MCC: variants seen among roughly 807,000 people sequenced by gnomAD.
MCC encodes the protein MCC regulator of Wnt signaling pathway.
In MCC, 90 loss-of-function variants were observed where a neutral mutation model predicts 116.2. The ratio of observed to expected loss-of-function variants is 0.77; its 90% CI spans 0.65 to 0.92. The LOEUF is 0.92. Ranked by LOEUF, MCC falls within the 40% of genes least tolerant of loss-of-function variation. The probability of loss-of-function intolerance (pLI) is 0.00; values close to 1 mark genes in which losing one functional copy is unlikely to be tolerated. For synonymous variants in MCC, 578 were observed against 510.5 expected, an observed-to-expected ratio of 1.13 and a Z score of -1.78; for missense variants, 1,516 against 1,312.2, an observed-to-expected ratio of 1.16 and a Z score of -2.40.
intron 8 of MCC, among the ~76,000 whole-genome samples, chr5:113,100,464 CTTTT>C (rs10649958): frequency 3.8e-5 from 3 of 78,808 alleles, no homozygotes; most frequent in African/African-American, 1.4e-4. Flanking sequence ...GTATTTTTCC[CTTTT>C]TTTTTTTTTT....
At chr5:113,138,984 CT>C (rs1026442694) in intron 5 of MCC, among the ~76,000 whole-genome samples, 2 of 152,172 alleles carry the variant, frequency 1.3e-5, no homozygotes, top group African/African-American at 4.8e-5. Flanking sequence ...AGTAAAGTCT[CT>C]GTTCACCAGA....
At chr5:113,360,851 T>C (rs1353351599) in intron 2 of MCC, among the ~76,000 whole-genome samples, 4 of 152,192 alleles carry the variant, frequency 2.6e-5, no homozygotes, top group African/African-American at 9.6e-5. Flanking sequence ...GTTGGCTGGA[T>C]GACCCAATCT....
In MCC at chr5:113,167,675, C is replaced by T. The variant is rs564567326; in HGVS notation, c.628-16253G>A. Among the ~76,000 whole-genome samples, 42 of 152,248 alleles carry T rather than the reference C, an allele frequency of 2.8e-4. No homozygotes were observed. The South Asian group carries it at 4.6e-3, about 17-fold the overall frequency. ...TGAGACAGGGTCTCTCTGTCACCCA[C>T]GCTGGAGTGCAGTGGCATCATCAAG... is the stretch of plus-strand genomic sequence containing the variant. On this transcript the variant is annotated intron_variant, in intron 3 of 18. Coordinates refer to ENST00000408903, the MANE Select transcript of MCC (RefSeq NM_001085377.2).
In MCC at chr5:113,029,422, CT is replaced by C. The variant is rs1401549137; in HGVS notation, c.2757-367del. Among the ~76,000 whole-genome samples, 3 of 151,004 alleles carry C rather than the reference CT, an allele frequency of 2.0e-5. No individual in the cohort carries two copies. In the East Asian group the frequency reaches 5.8e-4, roughly 29 times the overall value. On this transcript the variant is annotated intron_variant, in intron 17 of 18. Coordinates refer to ENST00000408903, the MANE Select transcript of MCC (RefSeq NM_001085377.2). ...ACAAACCCCCGTCTGTCTCCATCCC[CT>C]TCTTTTTCAGGTGTCCTAAGTATCT...
At chr5:113,043,270 A>AT (rs919302649) in intron 17 of MCC, among the ~76,000 whole-genome samples, 4 of 152,252 alleles carry the variant, frequency 2.6e-5, no homozygotes, top group African/African-American at 9.6e-5. Flanking sequence ...ATGCAACAAC[A>AT]TAACAGAAAA....
chr5:113,235,546 G>A (rs565010489), intron 3 of MCC, among the ~76,000 whole-genome samples: 1 of 152,348 alleles, frequency 6.6e-6, no homozygotes, highest in African/African-American at 2.4e-5. Flanking sequence ...CAGGAACTGA[G>A]TGGGGAAACA....
intron 3 of MCC, among the ~76,000 whole-genome samples, chr5:113,188,585 G>A (rs1387918295): frequency 6.6e-6 from 1 of 152,212 alleles, no homozygotes; most frequent in Non-Finnish European, 1.5e-5. Context: ...GGAAAATCAT[G>A]GTTGAGGGCA....
rs192924761 is a variant in MCC at position 113,275,052 on chromosome 5, C to T, written c.627+65467G>A. On this transcript the variant is annotated intron_variant, in intron 3 of 18. Transcript: ENST00000408903. ...TTCACTCACACAGCTTGTGGCCTTCCCTTTACTTCCTGAAAGCCACAAAAA... is the reference window on the plus strand; with the variant it reads ...TTCACTCACACAGCTTGTGGCCTTCTCTTTACTTCCTGAAAGCCACAAAAA... Among the ~76,000 whole-genome samples, 325 of 152,240 alleles carry T rather than the reference C, an allele frequency of 2.1e-3. 1 individual carries two copies. Among genetic ancestry groups the T allele is most frequent in the African/African-American group, 7.4e-3 (309 of 41,538 alleles).
At chr5:113,089,667 G>T (rs186445910) in intron 8 of MCC, among the ~76,000 whole-genome samples, 19 of 152,320 alleles carry the variant, frequency 1.2e-4, no homozygotes. Context: ...CTTGCAATGT[G>T]CCTGGTGTAC....
At chr5:113,062,852 C>G (rs1376329412) in intron 14 of MCC, among the ~76,000 whole-genome samples, 2 of 152,140 alleles carry the variant, frequency 1.3e-5, no homozygotes, top group Non-Finnish European at 2.9e-5. Flanking sequence ...GCGGGTCCCA[C>G]CAGGGGAGAA....
intron 3 of MCC, among the ~76,000 whole-genome samples, chr5:113,240,626 G>T (rs576288869): frequency 1.1e-4 from 17 of 152,288 alleles, no homozygotes; most frequent in East Asian, 3.9e-4. Context: ...TTCAATGGAG[G>T]TTGCTTTAAT....
chr5:113,487,098 C>T (rs348947), intron 1 of MCC, among the ~76,000 whole-genome samples: 1 of 151,690 alleles, frequency 6.6e-6, no homozygotes, highest in African/African-American at 2.4e-5. Flanking sequence ...AAAACTTTAG[C>T]AAAGTAATAA....
intron 1 of MCC, among the ~76,000 whole-genome samples, chr5:113,415,963 G>A (rs1400178492): frequency 1.3e-5 from 2 of 152,190 alleles, no homozygotes; most frequent in Non-Finnish European, 2.9e-5. Context: ...TGGTGAGGCT[G>A]TCCTTTTTGT....
chr5:113,199,542 G>A (rs111308336), intron 3 of MCC, among the ~76,000 whole-genome samples: 1 of 152,132 alleles, frequency 6.6e-6, no homozygotes, highest in Non-Finnish European at 1.5e-5. Flanking sequence ...TTCTCAAAAG[G>A]ATTATCTAAA....
At chr5:113,220,942 C>T (rs1184496590) in intron 3 of MCC, among the ~76,000 whole-genome samples, 1 of 152,170 alleles carries the variant, frequency 6.6e-6, no homozygotes, top group Non-Finnish European at 1.5e-5. Flanking sequence ...GTGGCTCATG[C>T]CTATAATCCC....
intron 9 of MCC, among the ~76,000 whole-genome samples, chr5:113,084,661 G>C (rs982056649): frequency 1.3e-5 from 2 of 152,238 alleles, no homozygotes; most frequent in Non-Finnish European, 1.5e-5. Context: ...AATCATCTGA[G>C]ACAGACTCAA....
chr5:113,439,637 A>C (rs1376955591), intron 1 of MCC, among the ~76,000 whole-genome samples: 3 of 152,160 alleles, frequency 2.0e-5, no homozygotes, highest in Admixed American at 6.5e-5. Context: ...ATAGCTGAGG[A>C]GGCAAAATCC....
intron 3 of MCC, among the ~76,000 whole-genome samples, chr5:113,225,671 C>T (rs1207188025): frequency 6.6e-6 from 1 of 152,168 alleles, no homozygotes; most frequent in Non-Finnish European, 1.5e-5. Flanking sequence ...ACCCAGGAAA[C>T]CTATACCAGG....
intron 1 of MCC, among the ~76,000 whole-genome samples, chr5:113,398,974 AAATT>A (rs1300290193): frequency 6.6e-6 from 1 of 152,202 alleles, no homozygotes; most frequent in Non-Finnish European, 1.5e-5. Flanking sequence ...GTTTACATTT[AAATT>A]AATTAAAATG....
Sources: allele counts gnomAD v4.1 joint callset (sites outside exome capture counted in the v4.1 genomes callset), GRCh38; gene constraint gnomAD v4.1.1; transcripts MANE v1.5; gene names NCBI Gene and HGNC (gene_info 2026-07-23, HGNC 2026-07-21).